FBXO16: variants seen among roughly 807,000 people sequenced by gnomAD.
The protein encoded by FBXO16 is F-box protein 16, also known as F-box only protein 16.
A neutral mutation model predicts 41.0 loss-of-function variants in FBXO16; 31 were observed. That is an observed-to-expected ratio of 0.76 (90% CI 0.57 to 1.02). The LOEUF is 1.02. Ranked by LOEUF, FBXO16 falls within the 50% of genes least tolerant of loss-of-function variation. The probability of loss-of-function intolerance (pLI) is 0.00; values close to 1 mark genes in which losing one functional copy is unlikely to be tolerated. For missense variants in FBXO16, 361 were observed against 346.2 expected, an observed-to-expected ratio of 1.04 and a Z score of -0.34; for synonymous variants, 133 against 117.8, an observed-to-expected ratio of 1.13 and a Z score of -0.84.
intron 7 of FBXO16, among the ~76,000 whole-genome samples, chr8:28,438,223 T>C (rs971417762): frequency 1.3e-5 from 2 of 151,864 alleles, no homozygotes; most frequent in Middle Eastern, 3.4e-3. Context: ...GGCTGAGGCA[T>C]GAGAATTACT....
chr8:28,441,057 A>C (rs992050575), intron 7 of FBXO16, among the ~76,000 whole-genome samples: 1 of 152,074 alleles, frequency 6.6e-6, no homozygotes, highest in African/African-American at 2.4e-5. Flanking sequence ...TCTTGCTTCC[A>C]TGTGTAAATG....
At chr8:28,485,684 C>T (rs1335283382) in intron 1 of FBXO16, among the ~76,000 whole-genome samples, 2 of 152,228 alleles carry the variant, frequency 1.3e-5, no homozygotes, top group Non-Finnish European at 2.9e-5. Context: ...CAGATCAGCA[C>T]TCAGGTTCTT....
chr8:28,466,814 G>A (rs1024932070), intron 3 of FBXO16, among the ~76,000 whole-genome samples: 9 of 152,180 alleles, frequency 5.9e-5, no homozygotes, highest in South Asian at 2.1e-4. Flanking sequence ...TAGCCTCTAC[G>A]GCAGCTAGTG....
At chr8:28,487,393 T>A (rs1184681778) in intron 1 of FBXO16, among the ~76,000 whole-genome samples, 1 of 53,204 alleles carries the variant, frequency 1.9e-5, no homozygotes, top group East Asian at 7.3e-4. Flanking sequence ...AGAAGACAGA[T>A]TTTTTTTTTT....
chr8:28,429,470 T>G, intron 7 of FBXO16, 67 bp from the exon 8 acceptor site: 1 of 1,586,304 alleles, frequency 6.3e-7, no homozygotes, highest in Non-Finnish European at 8.6e-7. Flanking sequence ...GAGCTGAGCT[T>G]GAAGGGAGAG....
chr8:28,471,302 T>C (rs1803330203), intron 3 of FBXO16, among the ~76,000 whole-genome samples: 2 of 152,170 alleles, frequency 1.3e-5, no homozygotes, highest in Non-Finnish European at 2.9e-5. Context: ...TTTTAAAAAA[T>C]GATTTCACTT....
At chr8:28,473,182 T>C (rs2130180160) in intron 3 of FBXO16, among the ~76,000 whole-genome samples, 1 of 152,334 alleles carries the variant, frequency 6.6e-6, no homozygotes, top group African/African-American at 2.4e-5. Flanking sequence ...ACCAATCCTT[T>C]TCATTGAATT....
At chr8:28,465,086 A>G (rs115116641) in intron 3 of FBXO16, 175 of 156,686 alleles carry the variant, frequency 1.1e-3, no homozygotes, top group African/African-American at 4.1e-3. Flanking sequence ...TCACAGTTGT[A>G]CAATGTATTT....
At chr8:28,482,769 G>T (rs1803536046) in intron 2 of FBXO16, among the ~76,000 whole-genome samples, 1 of 151,722 alleles carries the variant, frequency 6.6e-6, no homozygotes, top group Non-Finnish European at 1.5e-5. Context: ...AGTAGAAACG[G>T]GGTTTCACCA....
intron 1 of FBXO16, among the ~76,000 whole-genome samples, chr8:28,486,164 G>A (rs2130211391): frequency 6.6e-6 from 1 of 150,572 alleles, no homozygotes; most frequent in East Asian, 1.9e-4. Flanking sequence ...GATCTCCCCA[G>A]CTAAAAAGTG....
intron 6 of FBXO16, among the ~76,000 whole-genome samples, chr8:28,447,783 A>G (rs960901189): frequency 5.3e-4 from 80 of 152,030 alleles, no homozygotes; most frequent in Non-Finnish European, 3.4e-4. Flanking sequence ...GTGAAACCCC[A>G]TCTCTACTAA....
chr8:28,469,769 C>T (rs1375404484), intron 3 of FBXO16, among the ~76,000 whole-genome samples: 8 of 151,930 alleles, frequency 5.3e-5, no homozygotes, highest in African/African-American at 1.7e-4. Context: ...GGCATGATGG[C>T]GCACACCTGT....
chr8:28,460,388 G>A (rs1309222010), intron 4 of FBXO16, among the ~76,000 whole-genome samples: 1 of 142,776 alleles, frequency 7.0e-6, no homozygotes, highest in Non-Finnish European at 1.5e-5. Context: ...CTCTCAAGTA[G>A]CTGGGACTCT....
rs769607803 is a variant in FBXO16, at chr8:28,452,419, G to A, written c.565C>T (p.Pro189Ser). The A allele has an allele frequency of 6.2e-7, 1 of 1,614,178 alleles. No homozygotes were observed. The highest frequency in any genetic ancestry group is 1.1e-5 in the South Asian group (1 of 91,080). ...GATAAAGGGGACTGTTTTTCCTCTG[G>A]AGAATTGCTTGTAACTAGTTGAACG... is the stretch of plus-strand genomic sequence containing the variant. ...ADVQLVTSNS[P>S]EEKQSPLSAF... Residue 189 changes from proline to serine, a missense_variant, in exon 6 of 9, where the codon CCA (proline) becomes TCA (serine). Pro to Ser is a moderately conservative substitution (Grantham distance 74, BLOSUM62 -1). Coordinates refer to ENST00000380254, the MANE Select transcript of FBXO16 (RefSeq NM_172366.4).
Position 28,452,342 on chromosome 8 carries a change from T to C in FBXO16, c.642A>G (p.Lys214=), listed in dbSNP as rs1344793614. 2.5e-6 allele frequency: 4 copies of C among 1,614,048 alleles called. No homozygotes were observed. The South Asian group carries it at 4.4e-5, about 18-fold the overall frequency. Residue 214 remains lysine (K), a synonymous_variant, in exon 6 of 9, where the codon AAA becomes AAG. Coordinates refer to ENST00000380254, the MANE Select transcript of FBXO16 (RefSeq NM_172366.4). ...CAGAAGATCGCCAGGGTGGAAGTGC[T>C]TTCTCCCCTGAGTTATTCTTCTTTC... is the stretch of plus-strand genomic sequence containing the variant. The part of the protein sequence containing the change: ...SLRKKNNSGE[K]ALPPWRSSDK...
At chr8:28,488,293 C>CTTTTTTT (rs10708340) in intron 1 of FBXO16, among the ~76,000 whole-genome samples, 6 of 96,194 alleles carry the variant, frequency 6.2e-5, no homozygotes, top group Admixed American at 1.3e-4. Flanking sequence ...TCTTCTAAGC[C>CTTTTTTT]TTTTTTTTTT....
intron 5 of FBXO16, among the ~76,000 whole-genome samples, chr8:28,453,364 C>T (rs553360309): frequency 1.3e-5 from 2 of 151,912 alleles, no homozygotes; most frequent in African/African-American, 4.9e-5. Context: ...AAAAGTACTC[C>T]AGCTCTCATG....
At chr8:28,436,938 T>G (rs1056037209) in intron 7 of FBXO16, among the ~76,000 whole-genome samples, 3 of 152,006 alleles carry the variant, frequency 2.0e-5, no homozygotes, top group Non-Finnish European at 4.4e-5. Flanking sequence ...TTTGTAGAGA[T>G]TGGTGGGGCC....
Position 28,447,205 on chromosome 8 carries a change from T to A in FBXO16, c.809A>T (p.Gln270Leu). 1.2e-6 allele frequency: 2 copies of A among 1,613,954 alleles called. No individual in the cohort carries two copies. Among genetic ancestry groups the A allele is most frequent in the East Asian group, 2.2e-5 (1 of 44,860 alleles). ...RQSHDKKNKL[Q>L]DRTRLRKAQS... ...TGCTTTTCTTAGCCTAGTTCTGTCC[T>A]GCAATTTATTTTTCTTATCATGTGA... Residue 270 changes from glutamine (Q) to leucine (L), a missense_variant, in exon 7 of 9, where the codon CAG becomes CTG. Transcript: ENST00000380254.
Sources: allele counts gnomAD v4.1 joint callset (sites outside exome capture counted in the v4.1 genomes callset), GRCh38; gene constraint gnomAD v4.1.1; transcripts MANE v1.5; gene names NCBI Gene and HGNC (gene_info 2026-07-23, HGNC 2026-07-21).